Variants in CDH5 observed in about 807,000 individuals in gnomAD.
CDH5 encodes cadherin 5.
In CDH5, 28 loss-of-function variants were observed where a neutral mutation model predicts 62.0. The ratio of observed to expected loss-of-function variants is 0.45; its 90% CI spans 0.33 to 0.62. The LOEUF (loss-of-function observed/expected upper bound fraction) is 0.62. CDH5 is among the 20% of genes least tolerant of loss of function. CDH5 has a pLI of 0.02. For synonymous variants in CDH5, 464 were observed against 445.8 expected, an observed-to-expected ratio of 1.04 and a Z score of -0.52; for missense variants, 940 against 1,065.1, an observed-to-expected ratio of 0.88 and a Z score of 1.63.
rs373240791 is a variant in CDH5 at position 66,400,729 on chromosome 16, T to A, written c.1592-42T>A. 5 of 1,612,334 alleles carry A rather than the reference T, an allele frequency of 3.1e-6. No individual in the cohort carries two copies. In the African/African-American group the frequency reaches 6.7e-5, roughly 22 times the overall value. ...TGGAGGAGCCAGGTTTCCCCATCTG[T>A]GCAGATGGCAAAGCCTGACTCCGAG... On this transcript the variant is annotated intron_variant, in intron 10 of 11. Coordinates refer to ENST00000341529, the MANE Select transcript of CDH5 (RefSeq NM_001795.5).
rs1567470413 is a variant in CDH5 at position 66,403,155 on chromosome 16, G to T, written c.2341G>T (p.Glu781Ter). 1 of 1,611,620 alleles carries T rather than the reference G, an allele frequency of 6.2e-7. No homozygotes were observed. The highest frequency in any genetic ancestry group is 8.5e-7 in the Non-Finnish European group (1 of 1,179,498). ...AELYGSDPRE[E>*]LLY ...GCTGTACGGCTCGGACCCCCGGGAG[G>T]AGCTGCTGTATTAGGCGGCCGAGGT... Residue 781 changes from glutamate to a stop codon, truncating the protein, a stop_gained, in exon 12 of 12, where the codon GAG becomes TAG. Coordinates refer to ENST00000341529, the MANE Select transcript of CDH5 (RefSeq NM_001795.5). LOFTEE classifies it high-confidence loss of function. This position sits in a 1 kb window ranked among gnomAD's most constrained non-coding sequence, Gnocchi z 4.3.
Position 66,390,424 on chromosome 16 carries a change from C to T in CDH5, c.803C>T (p.Pro268Leu). The T allele has an allele frequency of 6.2e-7, 1 of 1,613,888 alleles. No individual in the cohort carries two copies. The highest frequency in any genetic ancestry group is 8.5e-7 in the Non-Finnish European group (1 of 1,179,848). ...TCAGCCAAGTACACATTTGTCGTGC[C>T]TGAAGACACCCGTGTGGGCACCTCT... The part of the protein sequence containing the change: ...FTQTKYTFVV[P>L]EDTRVGTSVG... Residue 268 changes from proline to leucine, a missense_variant, in exon 6 of 12, where the codon CCT becomes CTT. By Grantham distance (98) the Pro-to-Leu change is moderately conservative. Coordinates refer to ENST00000341529, the MANE Select transcript of CDH5 (RefSeq NM_001795.5).
intron 11 of CDH5, among the ~76,000 whole-genome samples, chr16:66,402,142 C>T (rs1303745678): frequency 1.3e-5 from 2 of 151,984 alleles, no homozygotes; most frequent in Non-Finnish European, 2.9e-5. Flanking sequence ...GAAACTGAGG[C>T]TGGGGGGCAG....
chr16:66,396,843 T>C (rs1865978), intron 8 of CDH5, among the ~76,000 whole-genome samples: 104,211 of 151,988 alleles, frequency 0.69, 35,967 homozygotes, highest in East Asian at 0.81. Context: ...AGGAGCCCGC[T>C]AGGCCAAGGA....
At chr16:66,381,707 G>A (rs190027144) in intron 2 of CDH5, among the ~76,000 whole-genome samples, 63 of 152,290 alleles carry the variant, frequency 4.1e-4, no homozygotes, top group African/African-American at 1.4e-3. Flanking sequence ...GGAGAGGGTG[G>A]TCTAGAGCAA....
chr16:66,371,465 C>T (rs1337058724), intron 1 of CDH5, among the ~76,000 whole-genome samples: 2 of 152,088 alleles, frequency 1.3e-5, no homozygotes, highest in Non-Finnish European at 1.5e-5. Context: ...TAGCTGAAAG[C>T]GGGTGTGCTG....
Position 66,372,041 on chromosome 16 carries a change from C to T in CDH5, c.-20+5283C>T, listed in dbSNP as rs116919000. On this transcript the variant is annotated intron_variant, in intron 1 of 11. Transcript: ENST00000341529. ...GGAGGCAGAACCCCAGAGAGATGGA[C>T]GCCCACAAAGGGAAAGGGACCAAAG... Among the ~76,000 whole-genome samples the T allele has an allele frequency of 3.9e-3, 590 of 152,270 alleles. 2 individuals are homozygous for T. The highest frequency in any genetic ancestry group is 0.012 in the African/African-American group (513 of 41,558).
chr16:66,380,987 G>A (rs945947809), intron 2 of CDH5, among the ~76,000 whole-genome samples: 4 of 152,188 alleles, frequency 2.6e-5, no homozygotes, highest in South Asian at 2.1e-4. Flanking sequence ...GCCATCCAGT[G>A]CCCAAGCTGA....
At position 66,381,486 on chromosome 16, in the gene CDH5, T is replaced by C. The variant is rs1222818501; in HGVS notation, c.210+1939T>C. ...AATTTCACACACAATGACAGGTAGA[T>C]GGACCGTGTGCTTTCAGAGTTTTCA... On this transcript the variant is annotated intron_variant, in intron 2 of 11. Transcript: ENST00000341529. Among the ~76,000 whole-genome samples, 4 of 152,228 alleles carry C rather than the reference T, an allele frequency of 2.6e-5. No homozygotes were observed. In the East Asian group the frequency reaches 7.7e-4, roughly 29 times the overall value.
chr16:66,399,614 G>A (rs1961246869), intron 10 of CDH5, among the ~76,000 whole-genome samples: 1 of 152,176 alleles, frequency 6.6e-6, no homozygotes, highest in South Asian at 2.1e-4. Flanking sequence ...ACACCCAGTT[G>A]TCATTAGAAG....
At chr16:66,399,558 G>A (rs192451304) in intron 10 of CDH5, among the ~76,000 whole-genome samples, 1 of 152,304 alleles carries the variant, frequency 6.6e-6, no homozygotes, top group East Asian at 1.9e-4. Context: ...CCTGTGGGAT[G>A]GAGAAGGTGG....
chr16:66,389,350 T>C lies in CDH5; in HGVS notation c.617-8T>C. ...GTAACATGGTTCCTGCTGGGAATCT[T>C]TTTGCAGGACGTATTATCACAATAA... is the stretch of plus-strand genomic sequence containing the variant. On this transcript the variant is annotated splice_region_variant and splice_polypyrimidine_tract_variant and intron_variant, in intron 4 of 11. Coordinates refer to ENST00000341529, the MANE Select transcript of CDH5 (RefSeq NM_001795.5). The C allele has an allele frequency of 6.2e-7, 1 of 1,603,028 alleles. No individual in the cohort carries two copies. The highest frequency in any genetic ancestry group is 8.5e-7 in the Non-Finnish European group (1 of 1,172,128).
Position 66,379,210 on chromosome 16 carries a change from C to T in CDH5, c.-19-109C>T, listed in dbSNP as rs1960838702. The stretch of plus-strand genomic sequence containing the variant: ...GTTAATTACCCGCAGATTGTGTTTG[C>T]CCCAGGCTTTTGGCATTATATCTAG... On this transcript the variant is annotated intron_variant, in intron 1 of 11. Coordinates refer to ENST00000341529, the MANE Select transcript of CDH5 (RefSeq NM_001795.5). 8.9e-6 allele frequency: 7 copies of T among 786,542 alleles called. No homozygotes were observed. In the East Asian group the frequency reaches 9.9e-5, roughly 11 times the overall value. 48.7% of individuals were successfully genotyped at this position (786,542 alleles called of 1,614,324 possible).
At chr16:66,374,192 G>T (rs1470096668) in intron 1 of CDH5, among the ~76,000 whole-genome samples, 1 of 152,196 alleles carries the variant, frequency 6.6e-6, no homozygotes, top group Non-Finnish European at 1.5e-5. Flanking sequence ...TGCCTCGGGG[G>T]AGTGCTCAGG....
chr16:66,397,877 C>T, intron 8 of CDH5, 105 bp from the exon 9 acceptor site: 2 of 1,325,676 alleles, frequency 1.5e-6, no homozygotes, highest in Non-Finnish European at 2.2e-6. Flanking sequence ...CAGCCTCCTC[C>T]TGCAAAAAGT....
intron 4 of CDH5, 139 bp downstream of exon 4, chr16:66,388,579 T>A: frequency 1.5e-6 from 1 of 654,302 alleles, no homozygotes; most frequent in Non-Finnish European, 2.7e-6. Context: ...ATGGAAGTAG[T>A]CAGTATCATA....
chr16:66,378,011 T>C (rs2344562), intron 1 of CDH5, among the ~76,000 whole-genome samples: 2 of 151,998 alleles, frequency 1.3e-5, no homozygotes, highest in Non-Finnish European at 2.9e-5. Flanking sequence ...TCTTTTGCAC[T>C]GGGCCACACA....
Position 66,401,734 on chromosome 16 carries a change from C to T in CDH5, c.1837+718C>T, listed in dbSNP as rs541262212. Among the ~76,000 whole-genome samples, 7 of 152,282 alleles carry T rather than the reference C, an allele frequency of 4.6e-5. No individual in the cohort carries two copies. In the East Asian group the frequency reaches 5.8e-4, roughly 13 times the overall value. ...CTGGAGCCTCCTCCCATAGGGTTGCCGGGAGGCAGCGTGGGGCCACCCCCC... is the reference window on the plus strand; with the variant it reads ...CTGGAGCCTCCTCCCATAGGGTTGCTGGGAGGCAGCGTGGGGCCACCCCCC... On this transcript the variant is annotated intron_variant, in intron 11 of 11. Coordinates refer to ENST00000341529, the MANE Select transcript of CDH5 (RefSeq NM_001795.5).
At chr16:66,395,063 T>TG (rs1303434118) in intron 7 of CDH5, among the ~76,000 whole-genome samples, 1 of 126,032 alleles carries the variant, frequency 7.9e-6, no homozygotes, top group Non-Finnish European at 1.6e-5. Flanking sequence ...TTTTTTTTTT[T>TG]GGTGAGACAG....
Sources: allele counts gnomAD v4.1 joint callset (sites outside exome capture counted in the v4.1 genomes callset), GRCh38; gene constraint gnomAD v4.1.1; non-coding constraint Gnocchi (gnomAD v3.1); transcripts MANE v1.5; gene names NCBI Gene and HGNC (gene_info 2026-07-23, HGNC 2026-07-21).